The following TRPM7 variants were observed in gnomAD, a reference collection of about 807,000 sequenced individuals.
TRPM7 encodes LTRPC ion channel family member 7.
TRPM7 carries 134 observed loss-of-function variants against 229.7 expected under a neutral mutation model. The ratio of observed to expected loss-of-function variants is 0.58; its 90% confidence interval spans 0.51 to 0.67. The LOEUF (loss-of-function observed/expected upper bound fraction) is 0.67, where lower values mean the gene tolerates loss of function less well. Ranked by LOEUF, TRPM7 falls within the 30% of genes least tolerant of loss-of-function variation. TRPM7 has a pLI of 0.00. For synonymous variants in TRPM7, 699 were observed against 715.2 expected (o/e 0.98, Z 0.36); for missense variants, 1,901 against 2,210.0 (o/e 0.86, Z 2.80).
chr15:50,596,909 C>T (rs1217942782), intron 22 of TRPM7, among the ~76,000 whole-genome samples: 2 of 152,140 alleles, frequency 1.3e-5, no homozygotes, highest in African/African-American at 4.8e-5. Context: ...CGCCACCATG[C>T]CCAGCTAATT....
rs779165251 is a variant in TRPM7, at chr15:50,612,805, T to C, written c.1795A>G (p.Lys599Glu). Residue 599 changes from lysine (K) to glutamate (E), a missense_variant, in exon 16 of 39, where the codon AAG becomes GAG. Lys to Glu is a moderately conservative substitution (Grantham distance 56). This residue lies in a region of TRPM7 where 794 missense variants were observed against 881.9 expected (regional missense o/e 0.90). Coordinates refer to ENST00000646667, the MANE Select transcript of TRPM7 (RefSeq NM_017672.6). ...PKIDTVMEEG[K>E]KKRTKDEIVD... Reference sequence around the variant, plus strand: ...ATTTCATCTTTGGTTCTTTTCTTCTTTCCTTCTTCCATAACTGTATCAATC... The same window carrying C: ...ATTTCATCTTTGGTTCTTTTCTTCTCTCCTTCTTCCATAACTGTATCAATC... The C allele has an allele frequency of 6.2e-7, 1 of 1,613,362 alleles. No homozygotes were observed. The highest frequency in any genetic ancestry group is 8.5e-7 in the Non-Finnish European group (1 of 1,179,934).
chr15:50,651,093 GGGAGGACTGCTTGAGCCCA>G (rs2061409327), intron 3 of TRPM7, among the ~76,000 whole-genome samples: 1 of 151,776 alleles, frequency 6.6e-6, no homozygotes, highest in Admixed American at 6.6e-5. Context: ...AAGCTGAGAT[GGGAGGACTGCTTGAGCCCA>G]GGAGGCAGAG....
intron 1 of TRPM7, among the ~76,000 whole-genome samples, chr15:50,681,173 C>T (rs62017246): frequency 0.15 from 22,063 of 151,764 alleles, 2,184 homozygotes; most frequent in Admixed American, 0.28. Context: ...ATCACTTGAA[C>T]CCGGGAGGCA....
At chr15:50,665,730 CA>C (rs1193846967) in intron 1 of TRPM7, among the ~76,000 whole-genome samples, 9 of 152,160 alleles carry the variant, frequency 5.9e-5, no homozygotes, top group Non-Finnish European at 1.0e-4. Flanking sequence ...CACAGTGGAT[CA>C]CGCCTGTAAT....
chr15:50,662,421 T>A (rs1459537327), intron 2 of TRPM7, among the ~76,000 whole-genome samples: 1 of 152,146 alleles, frequency 6.6e-6, no homozygotes, highest in Non-Finnish European at 1.5e-5. Flanking sequence ...TAAGTTAATG[T>A]CCTTTAATTT....
chr15:50,606,537 C>T (rs112140028), intron 20 of TRPM7, among the ~76,000 whole-genome samples: 1,639 of 152,132 alleles, frequency 0.011, 42 homozygotes, highest in African/African-American at 0.038. Context: ...ATCACTCTTT[C>T]GCCCAGGCTG....
intron 6 of TRPM7, among the ~76,000 whole-genome samples, chr15:50,638,674 TTGTATGTATGTA>T (rs11283855): frequency 1.1e-4 from 17 of 150,504 alleles, no homozygotes; most frequent in Admixed American, 1.0e-3. Context: ...AATTCAGTAA[TTGTATGTATGTA>T]TGTATGTATG....
At chr15:50,638,560 GAC>G (rs1325393613) in intron 6 of TRPM7, among the ~76,000 whole-genome samples, 1 of 150,626 alleles carries the variant, frequency 6.6e-6, no homozygotes, top group Non-Finnish European at 1.5e-5. Flanking sequence ...AAAAAAAAAA[GAC>G]ACTGTAAAAA....
intron 13 of TRPM7, among the ~76,000 whole-genome samples, 161 bp from the exon 14 acceptor site, chr15:50,614,424 G>C (rs1383947304): frequency 6.6e-6 from 1 of 152,170 alleles, no homozygotes; most frequent in Admixed American, 6.6e-5. Flanking sequence ...CAACATTTTG[G>C]GAGGCCAAGG....
intron 15 of TRPM7, among the ~76,000 whole-genome samples, chr15:50,613,390 T>C (rs2060117489): frequency 6.7e-6 from 1 of 150,192 alleles, no homozygotes; most frequent in Non-Finnish European, 1.5e-5. Flanking sequence ...TAGTCTCAGC[T>C]ACTCGGGAGG....
At position 50,686,754 on chromosome 15, in the gene TRPM7, G is replaced by A. The variant is rs1269028773; in HGVS notation, c.-221C>T. On this transcript the variant is annotated 5_prime_UTR_variant, in exon 1 of 39. Coordinates refer to ENST00000646667, the MANE Select transcript of TRPM7 (RefSeq NM_017672.6). Reference sequence around the variant, plus strand: ...CAACTCCTCCGGGTGACTGGCCACAGGGACGCGCCCGCGCCCGCCTCCGCC... The same window carrying A: ...CAACTCCTCCGGGTGACTGGCCACAAGGACGCGCCCGCGCCCGCCTCCGCC... 3.7e-6 allele frequency: 2 copies of A among 533,376 alleles called. No homozygotes were observed. Among genetic ancestry groups the A allele is most frequent in the Non-Finnish European group, 6.2e-6 (2 of 323,420 alleles). 33.0% of individuals were successfully genotyped at this position (533,376 alleles called of 1,614,324 possible). A position where few individuals can be genotyped will look rare whatever the true frequency, so the allele number is the denominator to read the frequency against.
At chr15:50,608,665 T>A (rs2059984702) in intron 19 of TRPM7, among the ~76,000 whole-genome samples, 1 of 152,190 alleles carries the variant, frequency 6.6e-6, no homozygotes, top group Non-Finnish European at 1.5e-5. Flanking sequence ...AAGGAAATGT[T>A]AGTCTCAGGT....
chr15:50,583,295 AAG>A (rs954650024), intron 28 of TRPM7, 136 bp from the exon 29 acceptor site: 11 of 498,882 alleles, frequency 2.2e-5, no homozygotes, highest in South Asian at 3.8e-5. Flanking sequence ...CGCTGAACAC[AAG>A]AGTTACATGA....
Position 50,605,078 on chromosome 15 carries a change from T to A in TRPM7, c.2776A>T (p.Ile926Phe), listed in dbSNP as rs754792047. ...IKVWFSDYFN[I>F]SDTIAIISFF... ...GAAATTATGGCAATTGTATCACTGA[T>A]GTTGAAGTAATCACTAAACCATACT... The change falls in exon 21 of 39, where the codon ATC becomes TTC. Residue 926 changes from isoleucine (I) to phenylalanine (F), a missense_variant. Physicochemically the swap from Ile to Phe is conservative, Grantham distance 21. This residue lies in a region of TRPM7 where 207 missense variants were observed against 241.5 expected (regional missense o/e 0.86). Transcript: ENST00000646667. The A allele has an allele frequency of 6.2e-7, 1 of 1,613,670 alleles. No homozygotes were observed. Among genetic ancestry groups the A allele is most frequent in the East Asian group, 2.2e-5 (1 of 44,792 alleles).
At position 50,574,361 on chromosome 15, in the gene TRPM7, T is replaced by C. The variant is rs368756574; in HGVS notation, c.5221A>G (p.Thr1741Ala). Residue 1741 changes from threonine (T) to alanine (A), a missense_variant, in exon 36 of 39, where the codon ACT becomes GCT. Coordinates refer to ENST00000646667, the MANE Select transcript of TRPM7 (RefSeq NM_017672.6). Reference protein sequence around the residue: ...NNNNGDEIIPTNTLEEIMLAF... With the variant: ...NNNNGDEIIPANTLEEIMLAF... ...AGCATGATCTCTTCCAGAGTATTAG[T>C]TGGAATAATCTCATCTCCATTATTA... 1.1e-4 allele frequency: 175 copies of C among 1,613,646 alleles called. No homozygotes were observed. The highest frequency in any genetic ancestry group is 1.4e-4 in the Non-Finnish European group (168 of 1,179,724).
chr15:50,609,679 T>A lies in TRPM7; in HGVS notation c.2482A>T (p.Asn828Tyr). Residue 828 changes from asparagine to tyrosine, a missense_variant, in exon 19 of 39, where the codon AAT (asparagine) becomes TAT (tyrosine). Physicochemically the swap from Asn to Tyr is moderately radical, Grantham distance 143 (BLOSUM62 -2). Transcript: ENST00000646667. ...GATTTCATTTGTATCTCCATCTCAT[T>A]CTTTCCTTCATTACTATCCAAAATC... ...VRILDSNEGK[N>Y]EMEIQMKSKK... 6.2e-7 allele frequency: 1 copy of A among 1,611,230 alleles called. No homozygotes were observed. The highest frequency in any genetic ancestry group is 8.5e-7 in the Non-Finnish European group (1 of 1,178,494).
intron 26 of TRPM7, among the ~76,000 whole-genome samples, chr15:50,590,019 G>A (rs1254216024): frequency 2.0e-5 from 3 of 152,014 alleles, no homozygotes; most frequent in African/African-American, 2.4e-5. Context: ...CACCATGCCT[G>A]ACTAATTTTT....
chr15:50,667,690 G>A lies in TRPM7; in HGVS notation c.4-4644C>T, dbSNP rs574845807. ...CCACTGCACTCCAGCCTGGGCAACA[G>A]AAGGAGACTCCATCCCCCTCCAAAA... On this transcript the variant is annotated intron_variant, in intron 1 of 38. Coordinates refer to ENST00000646667, the MANE Select transcript of TRPM7 (RefSeq NM_017672.6). 4.6e-5 allele frequency among the ~76,000 whole-genome samples: 7 copies of A among 152,274 alleles called. No homozygotes were observed. The East Asian group carries it at 1.4e-3, about 29-fold the overall frequency.
chr15:50,679,879 T>C (rs796907727), intron 1 of TRPM7, among the ~76,000 whole-genome samples: 91 of 152,164 alleles, frequency 6.0e-4, no homozygotes, highest in African/African-American at 2.0e-3. Context: ...TCCAGAAATC[T>C]ATTTAATGAC....
Sources: allele counts gnomAD v4.1 joint callset (sites outside exome capture counted in the v4.1 genomes callset), GRCh38; gene constraint gnomAD v4.1.1; regional missense constraint gnomAD v4.1.1; transcripts MANE v1.5; gene names NCBI Gene and HGNC (gene_info 2026-07-23, HGNC 2026-07-21).